RGS5: variants seen among roughly 807,000 people sequenced by gnomAD.
RGS5 encodes the protein regulator of G protein signaling 5, also known as regulator of G-protein signalling 5.
In RGS5, 20 loss-of-function variants were observed where a neutral mutation model predicts 18.9. The ratio of observed to expected loss-of-function variants is 1.06; its 90% confidence interval spans 0.74 to 1.54. RGS5 has a LOEUF of 1.54. RGS5 is among the 40% of genes most tolerant of loss of function. The pLI is 0.00. For missense variants in RGS5, 201 were observed against 211.8 expected (o/e 0.95, Z 0.32); for synonymous variants, 57 against 76.2 (o/e 0.75, Z 1.31).
chr1:163,185,349 C>T (rs1052529498), intron 1 of RGS5, among the ~76,000 whole-genome samples: 9 of 152,202 alleles, frequency 5.9e-5, no homozygotes, highest in African/African-American at 1.9e-4. Flanking sequence ...ATAAAATTGT[C>T]CAGGAAGATC....
chr1:163,288,695 A>C (rs1326224120), intron 2 of RGS5, among the ~76,000 whole-genome samples: 2 of 152,090 alleles, frequency 1.3e-5, no homozygotes, highest in Non-Finnish European at 2.9e-5. Flanking sequence ...ATTTCAACTA[A>C]GTTGCTGACT....
At chr1:163,254,929 C>G (rs12140365) in intron 2 of RGS5, among the ~76,000 whole-genome samples, 1 of 151,570 alleles carries the variant, frequency 6.6e-6, no homozygotes, top group African/African-American at 2.4e-5. Flanking sequence ...GCTTGTTTTT[C>G]TCAGGTTTGT....
chr1:163,220,652 C>T (rs1035622635), upstream of RGS5, among the ~76,000 whole-genome samples: 1 of 152,198 alleles, frequency 6.6e-6, no homozygotes, highest in Non-Finnish European at 1.5e-5. Flanking sequence ...CAAAGATGTC[C>T]ATGTCCTAGT....
At chr1:163,258,494 A>G (rs765021307) in intron 2 of RGS5, among the ~76,000 whole-genome samples, 14 of 152,230 alleles carry the variant, frequency 9.2e-5, no homozygotes, top group Non-Finnish European at 2.1e-4. Flanking sequence ...GAAAGCTAAA[A>G]GCTAAAAAAA....
intron 2 of RGS5, among the ~76,000 whole-genome samples, chr1:163,267,519 T>C (rs1648600446): frequency 6.6e-6 from 1 of 152,136 alleles, no homozygotes; most frequent in South Asian, 2.1e-4. Context: ...TCCCCTCATG[T>C]CTATATGTCA....
At chr1:163,308,656 A>G (rs1488170608) in intron 1 of RGS5, 1 of 152,212 alleles carries the variant, frequency 6.6e-6, no homozygotes, top group African/African-American at 2.4e-5. Flanking sequence ...AAAAGTCCAA[A>G]TAAGACTCAG....
At chr1:163,166,321 T>TA (rs67608619) in intron 2 of RGS5, among the ~76,000 whole-genome samples, 87,939 of 151,814 alleles carry the variant, frequency 0.58, 26,994 homozygotes, top group South Asian at 0.72. Context: ...AAATACATGT[T>TA]AAAAAATAGA....
At chr1:163,200,268 T>C (rs1411778962) in intron 1 of RGS5, among the ~76,000 whole-genome samples, 1 of 152,212 alleles carries the variant, frequency 6.6e-6, no homozygotes, top group Non-Finnish European at 1.5e-5. Flanking sequence ...TTTTGTAAAG[T>C]GAATTATATT....
chr1:163,172,732 A>C, intron 1 of RGS5: 1 of 939,638 alleles, frequency 1.1e-6, no homozygotes, highest in Non-Finnish European at 1.5e-6. Flanking sequence ...TATTAAATTT[A>C]ATTAGGAGTT....
At chr1:163,216,291 A>AG (rs1174827612) in intron 1 of RGS5, among the ~76,000 whole-genome samples, 3 of 152,070 alleles carry the variant, frequency 2.0e-5, no homozygotes, top group Admixed American at 2.0e-4. Flanking sequence ...AAGGCAAGAG[A>AG]GGGGGACATG....
At chr1:163,303,153 T>G (rs1205264521) in intron 2 of RGS5, among the ~76,000 whole-genome samples, 2 of 152,212 alleles carry the variant, frequency 1.3e-5, no homozygotes, top group East Asian at 3.8e-4. Flanking sequence ...CTTTTACATA[T>G]TCAAATATTA....
At chr1:163,186,974 G>A (rs920014003) in intron 1 of RGS5, among the ~76,000 whole-genome samples, 4 of 152,144 alleles carry the variant, frequency 2.6e-5, no homozygotes, top group African/African-American at 9.7e-5. Flanking sequence ...TTCCTAGTCT[G>A]TCATAATTGT....
intron 1 of RGS5, among the ~76,000 whole-genome samples, chr1:163,213,770 CA>C (rs1441812735): frequency 6.6e-6 from 1 of 152,164 alleles, no homozygotes; most frequent in African/African-American, 2.4e-5. Context: ...CATCTGTATT[CA>C]GGGGAAAGCC....
rs1648535026 is a variant in RGS5 at position 163,264,784 on chromosome 1, T to C, written c.-281+41449A>G. ...TATGTCAACCTGCTCTTTAACCTCATTGAGACTTAGTTCTTTAAATCCTCC... is the reference window on the plus strand; with the variant it reads ...TATGTCAACCTGCTCTTTAACCTCACTGAGACTTAGTTCTTTAAATCCTCC... On this transcript the variant is annotated intron_variant, in intron 2 of 5. Transcript: ENST00000618415. Among the ~76,000 whole-genome samples, 2 of 152,138 alleles carry C rather than the reference T, an allele frequency of 1.3e-5. 1 individual carries two copies. Among genetic ancestry groups the C allele is most frequent in the Admixed American group, 1.3e-4 (2 of 15,256 alleles).
chr1:163,218,608 A>G (rs1660268702), upstream of RGS5, among the ~76,000 whole-genome samples: 1 of 151,946 alleles, frequency 6.6e-6, no homozygotes, highest in Non-Finnish European at 1.5e-5. Flanking sequence ...TAAAAATAAA[A>G]AATAGAGAAA....
intron 1 of RGS5, among the ~76,000 whole-genome samples, chr1:163,188,253 C>T (rs904723672): frequency 6.6e-6 from 1 of 152,008 alleles, no homozygotes; most frequent in African/African-American, 2.4e-5. Context: ...ACATACAATC[C>T]CACGGTCATT....
chr1:163,176,958 C>A (rs1474565619), intron 1 of RGS5, among the ~76,000 whole-genome samples: 1 of 152,218 alleles, frequency 6.6e-6, no homozygotes, highest in Non-Finnish European at 1.5e-5. Context: ...CAGTGGTCAG[C>A]AAACTCTTTA....
intron 1 of RGS5, among the ~76,000 whole-genome samples, chr1:163,313,621 A>G (rs1649933147): frequency 6.6e-6 from 1 of 152,180 alleles, no homozygotes; most frequent in South Asian, 2.1e-4. Flanking sequence ...CCCTTGAACA[A>G]CAAAGCATAG....
At chr1:163,227,999 G>A (rs1180383293) in intron 2 of RGS5, among the ~76,000 whole-genome samples, 1 of 152,236 alleles carries the variant, frequency 6.6e-6, no homozygotes, top group Non-Finnish European at 1.5e-5. Flanking sequence ...GCCATGCAAG[G>A]TACAGCCCTG....
Sources: gnomAD v4.1 joint callset for allele counts (sites outside exome capture counted in the v4.1 genomes callset) on GRCh38, gnomAD v4.1.1 for gene constraint, MANE v1.5 for transcripts, NCBI Gene and HGNC (gene_info 2026-07-23, HGNC 2026-07-21) for gene names.